Variants in SCAF8 observed in about 807,000 individuals in gnomAD.
SCAF8 encodes the protein SR-related CTD associated factor 8.
SCAF8 carries 23 observed loss-of-function variants against 140.5 expected under a neutral mutation model. The ratio of observed to expected loss-of-function variants is 0.16; its 90% CI spans 0.12 to 0.23. The LOEUF (loss-of-function observed/expected upper bound fraction) is 0.23. SCAF8 is among the 10% of genes least tolerant of loss of function. The pLI is 1.00. For missense variants in SCAF8, 1,397 were observed against 1,555.7 expected (o/e 0.90, Z 1.72); for synonymous variants, 575 against 528.9 (o/e 1.09, Z -1.20).
intron 15 of SCAF8, chr6:154,822,051 T>G (rs1316929617): frequency 2.6e-6 from 1 of 388,686 alleles, no homozygotes; most frequent in Non-Finnish European, 4.6e-6. Context: ...ATGAAATATT[T>G]TAGTGTCTTT....
intron 4 of SCAF8, among the ~76,000 whole-genome samples, chr6:154,789,544 A>ATT (rs905985637): frequency 2.8e-4 from 38 of 136,824 alleles, no homozygotes; most frequent in Admixed American, 7.4e-4. Context: ...AATGCTTCTA[A>ATT]TTTTTTTTTT....
At chr6:154,810,429 T>C (rs1778057343) in intron 12 of SCAF8, among the ~76,000 whole-genome samples, 1 of 152,218 alleles carries the variant, frequency 6.6e-6, no homozygotes, top group Non-Finnish European at 1.5e-5. Flanking sequence ...ATTTTTTGTT[T>C]GTTTTTCAAA....
intron 1 of SCAF8, among the ~76,000 whole-genome samples, chr6:154,752,503 T>A (rs946319709): frequency 3.9e-5 from 6 of 152,270 alleles, no homozygotes; most frequent in Admixed American, 1.3e-4. Context: ...TTTTTTTTTT[T>A]ATTTAAGAGG....
chr6:154,742,409 A>G (rs1778593874), intron 1 of SCAF8, among the ~76,000 whole-genome samples: 1 of 152,198 alleles, frequency 6.6e-6, no homozygotes, highest in Non-Finnish European at 1.5e-5. Context: ...TTATTGACAT[A>G]TATGCTATAG....
At chr6:154,776,236 C>A (rs1425544124) in intron 2 of SCAF8, among the ~76,000 whole-genome samples, 1 of 151,552 alleles carries the variant, frequency 6.6e-6, no homozygotes, top group African/African-American at 2.4e-5. Flanking sequence ...ATTTTTGAAG[C>A]GTCTAGACCA....
chr6:154,810,739 G>A (rs1290498436), intron 12 of SCAF8, among the ~76,000 whole-genome samples: 3 of 152,072 alleles, frequency 2.0e-5, no homozygotes, highest in African/African-American at 7.2e-5. Context: ...CAGGTGTGGG[G>A]AGGGTTCACT....
chr6:154,826,777 T>G (rs980020074), intron 17 of SCAF8, among the ~76,000 whole-genome samples: 1 of 152,220 alleles, frequency 6.6e-6, no homozygotes, highest in African/African-American at 2.4e-5. Flanking sequence ...ACTTCAGTGC[T>G]TAAAACATAA....
At chr6:154,773,492 A>G (rs1007967426) in intron 1 of SCAF8, among the ~76,000 whole-genome samples, 1 of 152,190 alleles carries the variant, frequency 6.6e-6, no homozygotes, top group Non-Finnish European at 1.5e-5. Flanking sequence ...AATGAATTTT[A>G]TGTGAATAGG....
At chr6:154,825,182 A>G (rs1199811357) in intron 17 of SCAF8, 1 of 152,156 alleles carries the variant, frequency 6.6e-6, no homozygotes, top group African/African-American at 2.4e-5. Flanking sequence ...TTCTTTAAAT[A>G]TGGAACACTT....
chr6:154,741,930 C>T (rs1405533814), intron 1 of SCAF8: 3 of 1,503,456 alleles, frequency 2.0e-6, no homozygotes, highest in Non-Finnish European at 2.7e-6. Context: ...GTGTTCTCAA[C>T]ATCTTTCTCT....
rs144896153 is a variant in SCAF8, at chr6:154,821,457, G to A, written c.1793-819G>A. Among the ~76,000 whole-genome samples the A allele has an allele frequency of 2.4e-3, 361 of 151,528 alleles. 3 individuals are homozygous for A. The highest frequency in any genetic ancestry group is 8.1e-3 in the African/African-American group (333 of 41,314). The stretch of plus-strand genomic sequence containing the variant: ...CCTATGTTTCACACATTTATTATCT[G>A]TGAAAAAAACAGATAATAAACAAAA... On this transcript the variant is annotated intron_variant, in intron 15 of 19. Transcript: ENST00000367178.
Position 154,831,947 on chromosome 6 carries a change from A to G in SCAF8, c.2368A>G (p.Asn790Asp), listed in dbSNP as rs749655020. The G allele has an allele frequency of 1.4e-5, 23 of 1,587,386 alleles. No individual in the cohort carries two copies. Among genetic ancestry groups the G allele is most frequent in the Non-Finnish European group, 2.0e-5 (23 of 1,170,716 alleles). Residue 790 changes from asparagine to aspartate, a missense_variant, in exon 20 of 20, where the codon AAT becomes GAT. By Grantham distance (23) the Asn-to-Asp change is conservative (BLOSUM62 1). Around this residue, in one of 5 missense-constraint regions of SCAF8, gnomAD observed 930 missense variants for 874.6 expected, o/e 1.06. Transcript: ENST00000367178. ...SGENTRSVIP[N>D]DISSNAAILG... ...TCTCTCTTTTTTTTTAGTGATTCCA[A>G]ATGATATTTCAAGTAATGCTGCAAT...
chr6:154,764,308 C>G (rs2114829424), intron 1 of SCAF8, among the ~76,000 whole-genome samples: 1 of 142,974 alleles, frequency 7.0e-6, no homozygotes, highest in South Asian at 2.2e-4. Flanking sequence ...GAGTCTCGCT[C>G]TGTTGTTTAG....
chr6:154,827,896 G>A (rs1419844461), intron 18 of SCAF8, among the ~76,000 whole-genome samples: 2 of 150,856 alleles, frequency 1.3e-5, no homozygotes, highest in African/African-American at 4.9e-5. Flanking sequence ...ACAGCAAAAT[G>A]GAGCCAAAAG....
At chr6:154,788,075 C>G (rs182409537) in intron 4 of SCAF8, 53 bp downstream of exon 4, 1 of 1,456,166 alleles carries the variant, frequency 6.9e-7, no homozygotes, top group African/African-American at 1.4e-5. Context: ...ACAGTAGCCT[C>G]TTGGTCTTAA....
intron 11 of SCAF8, 119 bp from the exon 12 acceptor site, chr6:154,809,896 A>G: frequency 1.2e-6 from 1 of 832,110 alleles, no homozygotes; most frequent in Non-Finnish European, 2.0e-6. Flanking sequence ...GAATATTTTA[A>G]CATATTGTCA....
chr6:154,774,705 A>G (rs908513821), intron 2 of SCAF8, among the ~76,000 whole-genome samples: 3 of 152,208 alleles, frequency 2.0e-5, no homozygotes, highest in Admixed American at 1.3e-4. Flanking sequence ...ACTGTGGGAA[A>G]AGGCCATAGA....
chr6:154,830,393 G>A (rs932540991), intron 18 of SCAF8, among the ~76,000 whole-genome samples: 9 of 152,094 alleles, frequency 5.9e-5, no homozygotes, highest in South Asian at 4.1e-4. Context: ...AATGCACTTA[G>A]GGATATTTAT....
chr6:154,824,598 A>G (rs1389022235), intron 17 of SCAF8, among the ~76,000 whole-genome samples: 2 of 152,082 alleles, frequency 1.3e-5, no homozygotes, highest in Non-Finnish European at 2.9e-5. Flanking sequence ...CAGGATGCAG[A>G]TTGGTGGGAG....
Sources: allele counts gnomAD v4.1 joint callset (sites outside exome capture counted in the v4.1 genomes callset), GRCh38; gene constraint gnomAD v4.1.1; regional missense constraint gnomAD v4.1.1; transcripts MANE v1.5; gene names NCBI Gene and HGNC (gene_info 2026-07-23, HGNC 2026-07-21).